The following ROR1 variants were observed in gnomAD, a reference collection of about 807,000 sequenced individuals.
ROR1 encodes the protein inactive tyrosine-protein kinase transmembrane receptor ROR1.
A neutral mutation model predicts 78.8 loss-of-function variants in ROR1; 19 were observed. That is an observed-to-expected ratio of 0.24 (90% CI 0.17 to 0.35). The LOEUF is 0.35. Among genes scored for constraint, ROR1 ranks in the 10% least tolerant of loss-of-function variants. The pLI is 1.00. For synonymous variants in ROR1, 386 were observed against 433.6 expected, an observed-to-expected ratio of 0.89 and a Z score of 1.36; for missense variants, 917 against 1,177.8, an observed-to-expected ratio of 0.78 and a Z score of 3.24.
At chr1:63,973,934 C>T (rs1240481010) in intron 1 of ROR1, among the ~76,000 whole-genome samples, 3 of 152,052 alleles carry the variant, frequency 2.0e-5, no homozygotes, top group Non-Finnish European at 4.4e-5. Context: ...GGGTGCTACA[C>T]GGAGACATTT....
chr1:64,162,696 A>C (rs907885503), intron 8 of ROR1, among the ~76,000 whole-genome samples: 2 of 152,254 alleles, frequency 1.3e-5, no homozygotes, highest in Admixed American at 6.5e-5. Context: ...ATTTGAAGCC[A>C]TTCAATCCTC....
chr1:64,135,250 A>G (rs1649063687), intron 4 of ROR1, among the ~76,000 whole-genome samples: 1 of 152,224 alleles, frequency 6.6e-6, no homozygotes, highest in Non-Finnish European at 1.5e-5. Flanking sequence ...GAAAAAAAGT[A>G]TTCAAAGAGT....
chr1:63,795,274 G>A (rs1187752815), intron 1 of ROR1, among the ~76,000 whole-genome samples: 1 of 152,222 alleles, frequency 6.6e-6, no homozygotes, highest in Non-Finnish European at 1.5e-5. Context: ...AATTGGCTGT[G>A]CCTTTAAGTG....
chr1:63,806,279 G>T (rs1306979296), intron 1 of ROR1, among the ~76,000 whole-genome samples: 4 of 151,826 alleles, frequency 2.6e-5, no homozygotes, highest in African/African-American at 9.7e-5. Flanking sequence ...CTGAGTTCCT[G>T]GGGTTTTGTT....
At position 64,137,512 on chromosome 1, in the gene ROR1, G is replaced by T. The variant is rs145211481; in HGVS notation, c.610+16G>T. 6.6e-4 allele frequency: 1,054 copies of T among 1,605,620 alleles called. 8 individuals are homozygous for T. In the African/African-American group the frequency reaches 0.012, roughly 18 times the overall value. On this transcript the variant is annotated intron_variant, in intron 5 of 8. Transcript: ENST00000371079. Reference sequence around the variant, plus strand: ...CAGATCACAGGTAGGTAGCACCAATGAAATTATATTTGTCCCTTGAATAAC... The same window carrying T: ...CAGATCACAGGTAGGTAGCACCAATTAAATTATATTTGTCCCTTGAATAAC...
Position 64,017,592 on chromosome 1 carries a change from C to T in ROR1, c.163+8216C>T, listed in dbSNP as rs1646531372. Among the ~76,000 whole-genome samples the T allele has an allele frequency of 2.0e-5, 3 of 152,272 alleles. No individual in the cohort carries two copies. The South Asian group carries it at 6.2e-4, about 32-fold the overall frequency. On this transcript the variant is annotated intron_variant, in intron 2 of 8. Coordinates refer to ENST00000371079, the MANE Select transcript of ROR1 (RefSeq NM_005012.4). ...ATGGAGCAGAAAGGGTCTTCCTCACCATGTAGGGGTCTTTCCAGCCGGTTA... is the reference window on the plus strand; with the variant it reads ...ATGGAGCAGAAAGGGTCTTCCTCACTATGTAGGGGTCTTTCCAGCCGGTTA...
intron 1 of ROR1, among the ~76,000 whole-genome samples, chr1:63,848,537 T>A (rs1208084540): frequency 6.6e-6 from 1 of 152,178 alleles, no homozygotes; most frequent in Admixed American, 6.5e-5. Flanking sequence ...ATAAGGAAAC[T>A]AAAAAACACC....
intron 3 of ROR1, 125 bp from the exon 4 acceptor site, chr1:64,050,561 C>T: frequency 2.2e-6 from 2 of 907,174 alleles, no homozygotes; most frequent in Admixed American, 2.0e-5. Context: ...ACAATAAATT[C>T]CAGAAAAATA....
At chr1:64,147,836 A>G (rs996873627) in intron 7 of ROR1, among the ~76,000 whole-genome samples, 1 of 152,128 alleles carries the variant, frequency 6.6e-6, no homozygotes, top group African/African-American at 2.4e-5. Context: ...GTGATTCTCA[A>G]CCAGGGGCAA....
At chr1:64,060,304 C>CT (rs1304276652) in intron 4 of ROR1, among the ~76,000 whole-genome samples, 1 of 152,150 alleles carries the variant, frequency 6.6e-6, no homozygotes, top group African/African-American at 2.4e-5. Flanking sequence ...ATCATCAATG[C>CT]TATCTGAGCA....
At position 63,788,359 on chromosome 1, in the gene ROR1, T is replaced by C. The variant is rs964953851; in HGVS notation, c.91+13851T>C. Among the ~76,000 whole-genome samples the C allele has an allele frequency of 5.9e-5, 9 of 152,226 alleles. No homozygotes were observed. The East Asian group carries it at 1.7e-3, about 29-fold the overall frequency. On this transcript the variant is annotated intron_variant, in intron 1 of 8. Transcript: ENST00000371079. The stretch of plus-strand genomic sequence containing the variant: ...CTGATTGTGTTTATACACGTGGATT[T>C]ATAAAAGGAGGTTATGCTTTTATTC...
At chr1:64,161,371 T>C (rs1163163642) in intron 8 of ROR1, among the ~76,000 whole-genome samples, 1 of 152,090 alleles carries the variant, frequency 6.6e-6, no homozygotes, top group Non-Finnish European at 1.5e-5. Flanking sequence ...ACAGATCAAG[T>C]TGGGAAGGAG....
At chr1:63,902,489 T>G (rs972802398) in intron 1 of ROR1, among the ~76,000 whole-genome samples, 1 of 152,076 alleles carries the variant, frequency 6.6e-6, no homozygotes, top group Non-Finnish European at 1.5e-5. Flanking sequence ...AGCTATTTTT[T>G]TTTTAATTTA....
intron 1 of ROR1, among the ~76,000 whole-genome samples, chr1:63,891,503 T>C (rs1220150428): frequency 6.6e-6 from 1 of 152,168 alleles, no homozygotes; most frequent in Non-Finnish European, 1.5e-5. Context: ...GTAAGTGTGA[T>C]GTTAATTTTA....
intron 1 of ROR1, among the ~76,000 whole-genome samples, chr1:63,813,553 C>A (rs1454918784): frequency 6.6e-6 from 1 of 152,178 alleles, no homozygotes; most frequent in East Asian, 1.9e-4. Context: ...CCTTATGGTA[C>A]CTACCTAGCA....
intron 4 of ROR1, among the ~76,000 whole-genome samples, chr1:64,087,559 G>A (rs374216659): frequency 3.3e-5 from 5 of 152,128 alleles, no homozygotes; most frequent in African/African-American, 9.7e-5. Flanking sequence ...TTTAAGTAAT[G>A]TGGGCTTAAT....
At chr1:63,969,256 C>G (rs1646099759) in intron 1 of ROR1, among the ~76,000 whole-genome samples, 1 of 152,186 alleles carries the variant, frequency 6.6e-6, no homozygotes, top group African/African-American at 2.4e-5. Flanking sequence ...GAAGGAGATG[C>G]AGACAAGATA....
At chr1:63,800,799 C>T (rs2100254183) in intron 1 of ROR1, among the ~76,000 whole-genome samples, 1 of 152,330 alleles carries the variant, frequency 6.6e-6, no homozygotes, top group East Asian at 1.9e-4. Flanking sequence ...GGAACTTCCT[C>T]AACCTTGAGA....
Position 64,178,810 on chromosome 1 carries a change from C to G in ROR1, c.2769C>G (p.Ala923=). 6 of 1,613,918 alleles carry G rather than the reference C, an allele frequency of 3.7e-6. No individual in the cohort carries two copies. The highest frequency in any genetic ancestry group is 5.1e-6 in the Non-Finnish European group (6 of 1,179,952). The change falls in exon 9 of 9, where the codon GCC becomes GCG. Residue 923 remains alanine, a synonymous_variant. Coordinates refer to ENST00000371079, the MANE Select transcript of ROR1 (RefSeq NM_005012.4). The surrounding 1 kb of genome is among the most constrained non-coding windows in gnomAD (Gnocchi z 4.3). ...DSKQASLLGD[A]NIHGHTESMI... ...AGCAAGCATCTTTACTAGGAGACGC[C>G]AATATTCATGGACACACCGAATCTA...
Sources: allele counts gnomAD v4.1 joint callset (sites outside exome capture counted in the v4.1 genomes callset), GRCh38; gene constraint gnomAD v4.1.1; non-coding constraint Gnocchi (gnomAD v3.1); transcripts MANE v1.5; gene names NCBI Gene and HGNC (gene_info 2026-07-23, HGNC 2026-07-21).